The following GLDC variants were observed in gnomAD, a reference collection of about 807,000 sequenced individuals.
GLDC encodes glycine dehydrogenase (decarboxylating), mitochondrial.
Under a neutral mutation model 121.3 loss-of-function variants are expected in GLDC, and 104 were observed. The ratio of observed to expected loss-of-function variants is 0.86; its 90% CI spans 0.73 to 1.01. GLDC has a LOEUF of 1.01. Ranked by LOEUF, GLDC falls within the 50% of genes least tolerant of loss-of-function variation. The pLI is 0.00. For synonymous variants in GLDC, 546 were observed against 480.6 expected (o/e 1.14, Z -1.78); for missense variants, 1,429 against 1,306.6 (o/e 1.09, Z -1.44).
intron 7 of GLDC, among the ~76,000 whole-genome samples, chr9:6,603,219 C>T (rs971202328): frequency 1.4e-4 from 21 of 150,476 alleles, no homozygotes; most frequent in Non-Finnish European, 1.9e-4. Flanking sequence ...CAGAGAGAGA[C>T]TCCGTCTCAA....
chr9:6,558,352 T>C, intron 17 of GLDC: 1 of 690,468 alleles, frequency 1.4e-6, no homozygotes, highest in South Asian at 1.7e-5. Flanking sequence ...GAATAATTCA[T>C]TCAGTTTTTT....
chr9:6,536,010 A>G, intron 23 of GLDC, 54 bp downstream of exon 23: 1 of 1,443,778 alleles, frequency 6.9e-7, no homozygotes, highest in Non-Finnish European at 9.7e-7. Context: ...CACTGTCCAG[A>G]CATCATTTTC....
chr9:6,554,891 C>A, intron 18 of GLDC, 110 bp from the exon 19 acceptor site: 1 of 779,546 alleles, frequency 1.3e-6, no homozygotes, highest in South Asian at 1.5e-5. Context: ...GAAAAGCAGG[C>A]AGAGCCACAT....
intron 15 of GLDC, 62 bp downstream of exon 15, chr9:6,587,079 T>G (rs558568550): frequency 7.2e-7 from 1 of 1,379,652 alleles, no homozygotes; most frequent in African/African-American, 1.4e-5. Flanking sequence ...AGCCTTTAAG[T>G]TTTGTGGTGT....
intron 24 of GLDC, 121 bp downstream of exon 24, chr9:6,534,587 C>T (rs1817078048): frequency 2.9e-6 from 2 of 691,468 alleles, no homozygotes; most frequent in East Asian, 2.8e-5. Flanking sequence ...CTTCAAGACC[C>T]TTATTTCACA....
At chr9:6,606,841 G>A (rs977159617) in intron 4 of GLDC, among the ~76,000 whole-genome samples, 172 bp from the exon 5 acceptor site, 5 of 152,168 alleles carry the variant, frequency 3.3e-5, no homozygotes, top group Non-Finnish European at 7.3e-5. Context: ...GGGAGGCCGA[G>A]GCGGGCAGAT....
chr9:6,564,113 T>C (rs1817809487), intron 16 of GLDC, among the ~76,000 whole-genome samples: 1 of 151,972 alleles, frequency 6.6e-6, no homozygotes, highest in South Asian at 2.1e-4. Flanking sequence ...CCGGGCGTGG[T>C]GGCGCATGCC....
chr9:6,586,965 C>T (rs1020295188), intron 15 of GLDC, among the ~76,000 whole-genome samples, 176 bp downstream of exon 15: 12 of 152,164 alleles, frequency 7.9e-5, no homozygotes. Flanking sequence ...AGCTCCTCAC[C>T]AGCTATGTGA....
At position 6,617,453 on chromosome 9, in the gene GLDC, T is replaced by A. The variant is rs548387651; in HGVS notation, c.470+2731A>T. Among the ~76,000 whole-genome samples, 10 of 152,220 alleles carry A rather than the reference T, an allele frequency of 6.6e-5. No individual in the cohort carries two copies. In the South Asian group the frequency reaches 2.1e-3, roughly 32 times the overall value. The stretch of plus-strand genomic sequence containing the variant: ...TGGCTGGAATGCTGCAGCCCGTTCA[T>A]GTACTTTTGAGGCTTTTCTTAAGGG... On this transcript the variant is annotated intron_variant, in intron 3 of 24. Coordinates refer to ENST00000321612, the MANE Select transcript of GLDC (RefSeq NM_000170.3).
chr9:6,644,914 C>A, intron 1 of GLDC: 1 of 622,508 alleles, frequency 1.6e-6, no homozygotes, highest in South Asian at 2.0e-5. Flanking sequence ...TCAGTTGCAA[C>A]CGGAGCTAAC....
intron 16 of GLDC, among the ~76,000 whole-genome samples, chr9:6,565,125 C>G (rs527536226): frequency 6.6e-6 from 1 of 152,336 alleles, no homozygotes; most frequent in East Asian, 1.9e-4. Context: ...CGTTTGCATT[C>G]TGGGTTTGAG....
chr9:6,541,627 A>C (rs1340529242), intron 21 of GLDC: 3 of 151,788 alleles, frequency 2.0e-5, no homozygotes, highest in East Asian at 3.9e-4. Context: ...GTTCAAAACC[A>C]GCCTGGCCGA....
At chr9:6,580,059 G>GC (rs1818144948) in intron 15 of GLDC, among the ~76,000 whole-genome samples, 1 of 152,096 alleles carries the variant, frequency 6.6e-6, no homozygotes, top group Non-Finnish European at 1.5e-5. Context: ...GGAAGACCTG[G>GC]CCCCACTCTT....
chr9:6,579,174 C>G (rs917340072), intron 15 of GLDC, among the ~76,000 whole-genome samples: 1 of 152,100 alleles, frequency 6.6e-6, no homozygotes, highest in East Asian at 1.9e-4. Context: ...AAAGAGTTAA[C>G]TGATTTCACT....
Position 6,561,060 on chromosome 9 carries a change from A to C in GLDC, c.1927-2376T>G, listed in dbSNP as rs1817747578. Among the ~76,000 whole-genome samples, 3 of 152,214 alleles carry C rather than the reference A, an allele frequency of 2.0e-5. No individual in the cohort carries two copies. In the South Asian group the frequency reaches 6.2e-4, roughly 32 times the overall value. ...ATTCTCCCCTGTCTCCCCCAGAAGGAATCAGCTCTACCAACACTTTGACTT... is the reference window on the plus strand; with the variant it reads ...ATTCTCCCCTGTCTCCCCCAGAAGGCATCAGCTCTACCAACACTTTGACTT... On this transcript the variant is annotated intron_variant, in intron 16 of 24. Transcript: ENST00000321612.
At chr9:6,608,635 A>G (rs59211728) in intron 4 of GLDC, among the ~76,000 whole-genome samples, 4,747 of 151,384 alleles carry the variant, frequency 0.031, 116 homozygotes, top group East Asian at 0.12. Flanking sequence ...AGTCCCAGCT[A>G]CTTGGAAGGC....
chr9:6,601,836 G>A (rs1194106156), intron 8 of GLDC, among the ~76,000 whole-genome samples: 3 of 152,014 alleles, frequency 2.0e-5, no homozygotes, highest in Non-Finnish European at 4.4e-5. Context: ...TCGCCATGTC[G>A]CCCAGGCAGG....
At chr9:6,628,990 T>C (rs1819306023) in intron 2 of GLDC, among the ~76,000 whole-genome samples, 1 of 152,054 alleles carries the variant, frequency 6.6e-6, no homozygotes, top group South Asian at 2.1e-4. Flanking sequence ...CAGTGGCCTC[T>C]AGGCATCACT....
In GLDC at chr9:6,613,147, T is replaced by G. The variant is rs1563861559; in HGVS notation, c.471-2791A>C. 2.0e-5 allele frequency among the ~76,000 whole-genome samples: 3 copies of G among 152,346 alleles called. No homozygotes were observed. In the South Asian group the frequency reaches 6.2e-4, roughly 32 times the overall value. On this transcript the variant is annotated intron_variant, in intron 3 of 24. Coordinates refer to ENST00000321612, the MANE Select transcript of GLDC (RefSeq NM_000170.3). The stretch of plus-strand genomic sequence containing the variant: ...GCTACCATTCATTAACCATCTCTTA[T>G]GGGTCAGGAACACATTTACCACCTT...
Sources: gnomAD v4.1 joint callset for allele counts (sites outside exome capture counted in the v4.1 genomes callset) on GRCh38, gnomAD v4.1.1 for gene constraint, MANE v1.5 for transcripts, NCBI Gene and HGNC (gene_info 2026-07-23, HGNC 2026-07-21) for gene names.